FMNL3: variants seen among roughly 807,000 people sequenced by gnomAD.
FMNL3 encodes formin like 3.
Under a neutral mutation model 119.6 loss-of-function variants are expected in FMNL3, and 57 were observed. The ratio of observed to expected loss-of-function variants is 0.48; its 90% CI spans 0.39 to 0.59. The LOEUF (loss-of-function observed/expected upper bound fraction) is 0.59. Ranked by LOEUF, FMNL3 falls within the 20% of genes least tolerant of loss-of-function variation. The probability of loss-of-function intolerance (pLI) is 0.00; values close to 1 mark genes in which losing one functional copy is unlikely to be tolerated. For synonymous variants in FMNL3, 491 were observed against 507.3 expected, an observed-to-expected ratio of 0.97 and a Z score of 0.43; for missense variants, 1,053 against 1,323.5, an observed-to-expected ratio of 0.80 and a Z score of 3.17.
chr12:49,655,288 C>T (rs556472581), intron 9 of FMNL3, among the ~76,000 whole-genome samples: 3 of 152,226 alleles, frequency 2.0e-5, no homozygotes, highest in Non-Finnish European at 2.9e-5. Context: ...AAAAATTAGC[C>T]GGGCATGGTG....
chr12:49,645,936 TGGGA>T, intron 25 of FMNL3, 33 bp from the exon 26 acceptor site: 1 of 1,594,522 alleles, frequency 6.3e-7, no homozygotes, highest in Non-Finnish European at 8.6e-7. Flanking sequence ...GTGAACAGGA[TGGGA>T]GGGTGAGCCA....
chr12:49,691,698 A>G (rs906881875), intron 1 of FMNL3, among the ~76,000 whole-genome samples: 1 of 152,104 alleles, frequency 6.6e-6, no homozygotes, highest in Non-Finnish European at 1.5e-5. Context: ...CTTTTGGCTT[A>G]GTGCGAAAAG....
chr12:49,693,172 A>G lies in FMNL3; in HGVS notation c.126+13883T>C, dbSNP rs374276030. Reference sequence around the variant, plus strand: ...GCCAGGGAATGATGCTATTTAATTTATATTTTAAATTTGGGTGCTTTGTGG... The same window carrying G: ...GCCAGGGAATGATGCTATTTAATTTGTATTTTAAATTTGGGTGCTTTGTGG... On this transcript the variant is annotated intron_variant, in intron 1 of 25. Transcript: ENST00000335154. 3.9e-5 allele frequency among the ~76,000 whole-genome samples: 6 copies of G among 152,272 alleles called. No individual in the cohort carries two copies. In the East Asian group the frequency reaches 7.7e-4, roughly 20 times the overall value.
chr12:49,643,202 T>C lies in FMNL3; in HGVS notation c.*2613A>G, dbSNP rs1293006179. ...AGGGCAGAGAACCTCTGCACTGACA[T>C]GTATCTGCTGATCTGCCCAGGGCTC... On this transcript the variant is annotated 3_prime_UTR_variant, in exon 26 of 26. Coordinates refer to ENST00000335154, the MANE Select transcript of FMNL3 (RefSeq NM_175736.5). 1.4e-5 allele frequency: 22 copies of C among 1,613,508 alleles called. No individual in the cohort carries two copies. Among genetic ancestry groups the C allele is most frequent in the East Asian group, 2.2e-5 (1 of 44,882 alleles).
At chr12:49,672,977 G>A (rs1329507046) in intron 1 of FMNL3, among the ~76,000 whole-genome samples, 2 of 152,208 alleles carry the variant, frequency 1.3e-5, no homozygotes. Flanking sequence ...AATGTTCCTG[G>A]GAAAGAAACT....
chr12:49,682,446 C>T (rs1263306694), intron 1 of FMNL3, among the ~76,000 whole-genome samples: 1 of 152,132 alleles, frequency 6.6e-6, no homozygotes, highest in Non-Finnish European at 1.5e-5. Context: ...TGGACTGTTA[C>T]AATCCTCCCA....
chr12:49,692,740 C>G (rs1167082002), intron 1 of FMNL3, among the ~76,000 whole-genome samples: 1 of 152,108 alleles, frequency 6.6e-6, no homozygotes, highest in Non-Finnish European at 1.5e-5. Context: ...ATGTCCCCAC[C>G]CTCACTGAAT....
intron 1 of FMNL3, among the ~76,000 whole-genome samples, chr12:49,696,283 G>A (rs1254464242): frequency 3.3e-5 from 5 of 152,086 alleles, no homozygotes; most frequent in African/African-American, 1.2e-4. Flanking sequence ...ATTGGTTCCA[G>A]GACCAGACCA....
chr12:49,687,591 T>C (rs911165171), intron 1 of FMNL3, among the ~76,000 whole-genome samples: 1 of 152,218 alleles, frequency 6.6e-6, no homozygotes, highest in Non-Finnish European at 1.5e-5. Flanking sequence ...CTTAACACTA[T>C]ATTATATACC....
At chr12:49,666,887 G>A (rs986311148) in intron 2 of FMNL3, among the ~76,000 whole-genome samples, 2 of 152,116 alleles carry the variant, frequency 1.3e-5, no homozygotes, top group African/African-American at 4.8e-5. Flanking sequence ...AAGGGGAGAG[G>A]AGCTTGGCTT....
At chr12:49,670,468 AG>A (rs1396950527) in intron 1 of FMNL3, among the ~76,000 whole-genome samples, 2 of 152,214 alleles carry the variant, frequency 1.3e-5, no homozygotes, top group Non-Finnish European at 2.9e-5. Context: ...AAGAGGTCCC[AG>A]GTCTGAGCTA....
intron 4 of FMNL3, among the ~76,000 whole-genome samples, chr12:49,664,904 CCT>C (rs969811908): frequency 2.0e-5 from 3 of 152,086 alleles, no homozygotes; most frequent in Non-Finnish European, 2.9e-5. Flanking sequence ...TCTCTAACCC[CCT>C]GTCAGGAAGC....
At position 49,656,903 on chromosome 12, in the gene FMNL3, C is replaced by T. The variant is rs748290788; in HGVS notation, c.715-4G>A. 1.9e-6 allele frequency: 3 copies of T among 1,613,332 alleles called. No homozygotes were observed. In the East Asian group the frequency reaches 6.7e-5, roughly 36 times the overall value. On this transcript the variant is annotated splice_polypyrimidine_tract_variant and splice_region_variant and intron_variant, in intron 7 of 25. Coordinates refer to ENST00000335154, the MANE Select transcript of FMNL3 (RefSeq NM_175736.5). ...ACATGACCAGGTTGAATCCGTACTG[C>T]AAGGGAAAGGACAGAAGGAGGGGAC...
At chr12:49,652,952 T>C (rs1592645824) in intron 13 of FMNL3, among the ~76,000 whole-genome samples, 1 of 152,006 alleles carries the variant, frequency 6.6e-6, no homozygotes, top group East Asian at 1.9e-4. Flanking sequence ...GATGGGCTGG[T>C]AGGAGGAGGC....
chr12:49,642,500 G>T lies in FMNL3; in HGVS notation c.*3315C>A, dbSNP rs1942807850. 3 of 1,583,180 alleles carry T rather than the reference G, an allele frequency of 1.9e-6. No homozygotes were observed. Among genetic ancestry groups the T allele is most frequent in the South Asian group, 2.2e-5 (2 of 89,792 alleles). On this transcript the variant is annotated 3_prime_UTR_variant, in exon 26 of 26. Transcript: ENST00000335154. This position sits in a 1 kb window ranked among gnomAD's most constrained non-coding sequence, Gnocchi z 5.8. ...CAGTTCCCTTCCTTTCTCTGCCCCA[G>T]CCCTGCCCTGTGCTCATGGCGGTGT...
chr12:49,648,441 C>G (rs922244282), intron 21 of FMNL3, 88 bp from the exon 22 acceptor site: 7 of 1,411,528 alleles, frequency 5.0e-6, no homozygotes, highest in Admixed American at 2.3e-5. Context: ...TGGCCCTCCC[C>G]CTCAGCATGG....
rs764301507 is a variant in FMNL3 at position 49,649,516 on chromosome 12, G to A, written c.2258C>T (p.Ala753Val). The part of the protein sequence containing the change: ...LTPQLNAIIA[A>V]SASVKSSQKL... ...CTGTGAAGACTTGACGGAAGCGGAC[G>A]CCGCAATGATGGCATTGAGTTGCTG... Residue 753 changes from alanine to valine, a missense_variant, in exon 19 of 26, where the codon GCG (alanine) becomes GTG (valine). By Grantham distance (64) the Ala-to-Val change is moderately conservative. Around this residue, in one of 4 missense-constraint regions of FMNL3, gnomAD observed 324 missense variants for 380.9 expected, o/e 0.85. Coordinates refer to ENST00000335154, the MANE Select transcript of FMNL3 (RefSeq NM_175736.5). This position sits in a 1 kb window ranked among gnomAD's most constrained non-coding sequence, Gnocchi z 5.6. 26 of 1,614,164 alleles carry A rather than the reference G, an allele frequency of 1.6e-5. No individual in the cohort carries two copies. Among genetic ancestry groups the A allele is most frequent in the Non-Finnish European group, 2.1e-5 (25 of 1,180,052 alleles).
At chr12:49,684,410 A>G (rs1237751304) in intron 1 of FMNL3, among the ~76,000 whole-genome samples, 1 of 152,200 alleles carries the variant, frequency 6.6e-6, no homozygotes, top group African/African-American at 2.4e-5. Context: ...TTGTACTGTT[A>G]TGACACCAAC....
intron 1 of FMNL3, among the ~76,000 whole-genome samples, chr12:49,691,996 C>T (rs1311890621): frequency 7.1e-6 from 1 of 140,170 alleles, no homozygotes; most frequent in East Asian, 2.0e-4. Flanking sequence ...GATCACGCCA[C>T]TGCACTCCAG....
Sources: gnomAD v4.1 joint callset for allele counts (sites outside exome capture counted in the v4.1 genomes callset) on GRCh38, gnomAD v4.1.1 for gene constraint, gnomAD v4.1.1 regional missense constraint, Gnocchi (gnomAD v3.1) non-coding constraint, MANE v1.5 for transcripts, NCBI Gene and HGNC (gene_info 2026-07-23, HGNC 2026-07-21) for gene names.